The following SLIT1 variants were observed in gnomAD, a reference collection of about 807,000 sequenced individuals.
The protein encoded by SLIT1 is slit homolog 1 protein.
SLIT1 carries 66 observed loss-of-function variants against 186.1 expected under a neutral mutation model. The observed-to-expected ratio is 0.35, with a 90% CI of 0.29 to 0.44. SLIT1 has a LOEUF of 0.44. Among genes scored for constraint, SLIT1 ranks in the 20% least tolerant of loss-of-function variants. The pLI, the probability that SLIT1 is intolerant of heterozygous loss-of-function variation, is 1.00. For synonymous variants in SLIT1, 761 were observed against 833.8 expected (o/e 0.91, Z 1.50); for missense variants, 1,638 against 2,037.4 (o/e 0.80, Z 3.77).
intron 13 of SLIT1, among the ~76,000 whole-genome samples, chr10:97,053,042 G>C (rs1299436288): frequency 6.6e-6 from 1 of 152,144 alleles, no homozygotes; most frequent in African/African-American, 2.4e-5. Context: ...TCAAATTCCT[G>C]TTTTACCGGA....
chr10:97,103,489 TTG>T (rs2134673026), intron 4 of SLIT1: 1 of 152,330 alleles, frequency 6.6e-6, no homozygotes, highest in South Asian at 2.1e-4. Flanking sequence ...CCAAGGCCCC[TTG>T]GTGAGGATTT....
intron 4 of SLIT1, among the ~76,000 whole-genome samples, chr10:97,143,070 T>C (rs1384349783): frequency 6.6e-6 from 1 of 152,228 alleles, no homozygotes; most frequent in Admixed American, 6.5e-5. Context: ...GAAAGCAGTA[T>C]GACACTTACT....
intron 4 of SLIT1, chr10:97,154,811 T>G (rs1398220182): frequency 1.3e-5 from 2 of 152,280 alleles, no homozygotes; most frequent in African/African-American, 4.8e-5. Flanking sequence ...TTAATCTTCT[T>G]GTGCCAGCCT....
chr10:97,107,780 A>G (rs7078332), intron 4 of SLIT1, among the ~76,000 whole-genome samples: 41,007 of 151,790 alleles, frequency 0.27, 5,903 homozygotes, highest in African/African-American at 0.38. Context: ...AAGACAGGGA[A>G]CCAACCCATG....
At chr10:97,094,190 A>C (rs1849262458) in intron 4 of SLIT1, among the ~76,000 whole-genome samples, 1 of 152,252 alleles carries the variant, frequency 6.6e-6, no homozygotes, top group Admixed American at 6.5e-5. Flanking sequence ...GAAGAATTCA[A>C]GGCAGCTAGT....
chr10:97,066,842 G>GC (rs1225817277), intron 4 of SLIT1, among the ~76,000 whole-genome samples: 7 of 152,170 alleles, frequency 4.6e-5, no homozygotes, highest in Non-Finnish European at 1.0e-4. Flanking sequence ...GGCCAGTTCA[G>GC]CCCCCCACAG....
At chr10:97,069,722 A>C (rs987594507) in intron 4 of SLIT1, among the ~76,000 whole-genome samples, 1 of 152,174 alleles carries the variant, frequency 6.6e-6, no homozygotes, top group East Asian at 1.9e-4. Context: ...GGCTGGGGGA[A>C]TCTCATGTGG....
chr10:97,087,303 C>A (rs899051760), intron 4 of SLIT1, among the ~76,000 whole-genome samples: 1 of 152,116 alleles, frequency 6.6e-6, no homozygotes, highest in Non-Finnish European at 1.5e-5. Flanking sequence ...GGTCCACAGC[C>A]CCAGAAGGAA....
intron 4 of SLIT1, chr10:97,157,412 A>G (rs1849965983): frequency 1.1e-5 from 2 of 187,986 alleles, no homozygotes; most frequent in Non-Finnish European, 2.2e-5. Context: ...AGCTGAAAAT[A>G]GAAATAGGTT....
At position 97,063,259 on chromosome 10, in the gene SLIT1, T is replaced by C. The variant is rs528381458; in HGVS notation, c.793+196A>G. On this transcript the variant is annotated intron_variant, in intron 8 of 36. Transcript: ENST00000266058. ...AGCAGACAGTGGAGTCAGGAGGTGA[T>C]GGATGGGGCAGGAGGGGCAGATAGT... 3.6e-5 allele frequency among the ~76,000 whole-genome samples: 5 copies of C among 140,806 alleles called. No individual in the cohort carries two copies. In the South Asian group the frequency reaches 6.8e-4, roughly 19 times the overall value. The allele number at this position is 140,806 out of a possible 152,430, so 92.4% of individuals were successfully genotyped here. A position where few individuals can be genotyped will look rare whatever the true frequency, so the allele number is the denominator to read the frequency against.
chr10:97,180,342 G>A (rs1167227214), intron 1 of SLIT1, among the ~76,000 whole-genome samples: 4 of 152,228 alleles, frequency 2.6e-5, no homozygotes, highest in Admixed American at 1.3e-4. Flanking sequence ...CTTTGGAGCA[G>A]GCCCTATCAT....
In SLIT1 at chr10:97,000,977, C is replaced by T. The variant is rs541419311; in HGVS notation, c.*135G>A. The T allele has an allele frequency of 7.9e-5, 54 of 683,080 alleles. No individual in the cohort carries two copies. Among genetic ancestry groups the T allele is most frequent in the Admixed American group, 5.6e-4 (20 of 35,534 alleles). The allele number at this position is 683,080 out of a possible 1,614,324, so 42.3% of individuals were successfully genotyped here. A position where few individuals can be genotyped will look rare whatever the true frequency, so the allele number is the denominator to read the frequency against. ...TTTAAAAGGCTGCTCTGGCACCACC[C>T]CACCCAGGAGGGCCCAGCTGCCCAG... On this transcript the variant is annotated 3_prime_UTR_variant, in exon 37 of 37. Coordinates refer to ENST00000266058, the MANE Select transcript of SLIT1 (RefSeq NM_003061.3).
chr10:97,046,115 G>A (rs1176168442), intron 18 of SLIT1, among the ~76,000 whole-genome samples: 1 of 152,196 alleles, frequency 6.6e-6, no homozygotes, highest in Admixed American at 6.5e-5. Flanking sequence ...ATCATCTGAA[G>A]AGCCAGCCCT....
intron 4 of SLIT1, chr10:97,153,440 T>A (rs1849904438): frequency 6.6e-6 from 1 of 152,238 alleles, no homozygotes; most frequent in Non-Finnish European, 1.5e-5. Flanking sequence ...AGCCTGTGCA[T>A]GAAAGTCCAT....
rs2134669361 is a variant in SLIT1, at chr10:97,099,505, T to C, written c.414-33419A>G. Among the ~76,000 whole-genome samples the C allele has an allele frequency of 2.6e-5, 4 of 152,332 alleles. No individual in the cohort carries two copies. The South Asian group carries it at 8.3e-4, about 32-fold the overall frequency. On this transcript the variant is annotated intron_variant, in intron 4 of 36. Transcript: ENST00000266058. The stretch of plus-strand genomic sequence containing the variant: ...ACAGGAGGAGAAGCTCCTGGATCTG[T>C]TGTACATCTGGGTAGGTGTCCATCT...
intron 25 of SLIT1, among the ~76,000 whole-genome samples, chr10:97,023,154 T>A (rs1848516020): frequency 6.6e-6 from 1 of 151,892 alleles, no homozygotes; most frequent in South Asian, 2.1e-4. Context: ...CAGGTTCCAG[T>A]GATTCTTGTA....
chr10:97,110,488 A>G (rs911410957), intron 4 of SLIT1, among the ~76,000 whole-genome samples: 1 of 152,252 alleles, frequency 6.6e-6, no homozygotes, highest in South Asian at 2.1e-4. Context: ...TGCATGAACC[A>G]CAGTCCACAT....
intron 22 of SLIT1, among the ~76,000 whole-genome samples, chr10:97,036,271 G>A (rs932646038): frequency 2.0e-5 from 3 of 152,196 alleles, no homozygotes; most frequent in African/African-American, 7.2e-5. Context: ...CCCCTGTGAT[G>A]AGGAGGTGGT....
intron 3 of SLIT1, among the ~76,000 whole-genome samples, chr10:97,160,423 G>T (rs977813544): frequency 7.2e-5 from 11 of 152,202 alleles, no homozygotes; most frequent in African/African-American, 2.4e-4. Flanking sequence ...TTAAGTAAAA[G>T]ACGGTGGCAG....
Sources: allele counts gnomAD v4.1 joint callset (sites outside exome capture counted in the v4.1 genomes callset), GRCh38; gene constraint gnomAD v4.1.1; transcripts MANE v1.5; gene names NCBI Gene and HGNC (gene_info 2026-07-23, HGNC 2026-07-21).